Variants in CACNA1I observed in about 807,000 individuals in gnomAD.
CACNA1I encodes the protein calcium voltage-gated channel subunit alpha1 I, also known as voltage-dependent T-type calcium channel subunit alpha-1I.
In CACNA1I, 74 loss-of-function variants were observed where a neutral mutation model predicts 201.6. That is an observed-to-expected ratio of 0.37 (90% CI 0.30 to 0.45). The LOEUF is 0.45. CACNA1I is among the 20% of genes least tolerant of loss of function. CACNA1I has a pLI of 1.00. For synonymous variants in CACNA1I, 1,431 were observed against 1,345.2 expected (o/e 1.06, Z -1.40); for missense variants, 2,346 against 3,138.1 (o/e 0.75, Z 6.03).
intron 5 of CACNA1I, among the ~76,000 whole-genome samples, chr22:39,635,273 A>C (rs1301438703): frequency 2.0e-5 from 3 of 151,996 alleles, no homozygotes; most frequent in Non-Finnish European, 4.4e-5. Context: ...GAAATAGGAG[A>C]GCATCTTCAT....
chr22:39,592,971 A>G (rs1347599992), intron 1 of CACNA1I, among the ~76,000 whole-genome samples: 1 of 152,180 alleles, frequency 6.6e-6, no homozygotes, highest in Non-Finnish European at 1.5e-5. Flanking sequence ...CAGTGATGCC[A>G]GTTCTGGCCT....
rs1393717795 is a variant in CACNA1I, at chr22:39,659,881, C to T, written c.2604+29C>T. ...ACTGTGGTCTTGGCAGAGGAAGCAC[C>T]CCCACAGGGTCTGCGAAAGACTGGG... is the stretch of plus-strand genomic sequence containing the variant. On this transcript the variant is annotated intron_variant, in intron 14 of 36. Transcript: ENST00000402142. This position sits in a 1 kb window ranked among gnomAD's most constrained non-coding sequence, Gnocchi z 4.3. The T allele has an allele frequency of 6.2e-7, 1 of 1,612,960 alleles. No individual in the cohort carries two copies. Among genetic ancestry groups the T allele is most frequent in the African/African-American group, 1.3e-5 (1 of 74,896 alleles).
Position 39,665,903 on chromosome 22 carries a change from A to G in CACNA1I, c.4001A>G (p.His1334Arg). 6.2e-7 allele frequency: 1 copy of G among 1,613,792 alleles called. No homozygotes were observed. Among genetic ancestry groups the G allele is most frequent in the Non-Finnish European group, 8.5e-7 (1 of 1,179,844 alleles). ...GVQLFKGKFY[H>R]CLGVDTRNIT... ...CAGCTCTTCAAGGGCAAGTTCTACC[A>G]CTGTCTGGGCGTGGACACCCGCAAC... Residue 1334 changes from histidine to arginine, a missense_variant, in exon 23 of 37, where the codon CAC (histidine) becomes CGC (arginine). His to Arg is a conservative substitution (Grantham distance 29). This residue lies in a region of CACNA1I where 228 missense variants were observed against 395.7 expected (regional missense o/e 0.58). Coordinates refer to ENST00000402142, the MANE Select transcript of CACNA1I (RefSeq NM_021096.4). This position sits in a 1 kb window ranked among gnomAD's most constrained non-coding sequence, Gnocchi z 5.5.
At chr22:39,662,988 C>G (rs1935076318) in intron 18 of CACNA1I, 112 bp downstream of exon 18, 1 of 729,510 alleles carries the variant, frequency 1.4e-6, no homozygotes, top group Non-Finnish European at 2.3e-6. Flanking sequence ...CCACAGCGGA[C>G]CCTCCCGGCC....
rs1935936248 is a variant in CACNA1I, at chr22:39,687,986, AGG to A, written c.*1586_*1587del. ...TGCTAAGACCCCCTCCGAGGGCTTC[AGG>A]GGGGCCTGCCAAGGGGGGGCCTTGT... On this transcript the variant is annotated 3_prime_UTR_variant, in exon 37 of 37. Coordinates refer to ENST00000402142, the MANE Select transcript of CACNA1I (RefSeq NM_021096.4). 1 of 152,172 alleles carries A rather than the reference AGG, an allele frequency of 6.6e-6. No homozygotes were observed. Among genetic ancestry groups the A allele is most frequent in the African/African-American group, 2.4e-5 (1 of 41,410 alleles). The allele number at this position is 152,172 out of a possible 1,614,324, so 9.4% of individuals were successfully genotyped here.
At chr22:39,672,875 C>G in intron 27 of CACNA1I, 74 bp from the exon 28 acceptor site, 1 of 1,493,856 alleles carries the variant, frequency 6.7e-7, no homozygotes, top group South Asian at 1.3e-5. Flanking sequence ...GGGAGGCTCC[C>G]CCCACTAAGG....
intron 4 of CACNA1I, among the ~76,000 whole-genome samples, chr22:39,621,227 A>C (rs781600733): frequency 1.3e-5 from 2 of 152,192 alleles, no homozygotes; most frequent in Non-Finnish European, 2.9e-5. Flanking sequence ...TCCTCAGCCC[A>C]GTTTATTTCC....
At chr22:39,577,275 A>G (rs1465866676) in intron 1 of CACNA1I, among the ~76,000 whole-genome samples, 2 of 152,206 alleles carry the variant, frequency 1.3e-5, no homozygotes, top group Non-Finnish European at 2.9e-5. Flanking sequence ...ACTTCAGGTA[A>G]TCTGCGCAGC....
rs1469713171 is a variant in CACNA1I at position 39,670,161 on chromosome 22, C to A, written c.4318C>A (p.His1440Asn). ...VVENFHKCRQHQEAEEARRRE... is the reference protein window; with the variant it reads ...VVENFHKCRQNQEAEEARRRE... ...GGAGAACTTCCACAAGTGCCGGCAGCACCAGGAGGCTGAAGAGGCACGGCG... is the reference window on the plus strand; with the variant it reads ...GGAGAACTTCCACAAGTGCCGGCAGAACCAGGAGGCTGAAGAGGCACGGCG... The change falls in exon 25 of 37, where the codon CAC becomes AAC. Residue 1440 changes from histidine to asparagine, a missense_variant. By Grantham distance (68) the His-to-Asn change is moderately conservative. This residue lies in a region of CACNA1I where 228 missense variants were observed against 395.7 expected (regional missense o/e 0.58). Coordinates refer to ENST00000402142, the MANE Select transcript of CACNA1I (RefSeq NM_021096.4). 6.2e-7 allele frequency: 1 copy of A among 1,613,902 alleles called. No individual in the cohort carries two copies.
chr22:39,681,659 T>C lies in CACNA1I; in HGVS notation c.5664+607T>C, dbSNP rs562087021. On this transcript the variant is annotated intron_variant, in intron 34 of 36. Transcript: ENST00000402142. ...GAGGGGGCTCTTGCTGATCCTGCAG[T>C]CTTAGGGGGTGAGATCTCAAGACCT... Among the ~76,000 whole-genome samples the C allele has an allele frequency of 2.0e-5, 3 of 150,622 alleles. No individual in the cohort carries two copies. In the East Asian group the frequency reaches 5.9e-4, roughly 30 times the overall value.
In CACNA1I at chr22:39,609,567, G is replaced by C. The variant is rs562849001; in HGVS notation, c.482+8914G>C. Among the ~76,000 whole-genome samples the C allele has an allele frequency of 4.6e-5, 7 of 152,350 alleles. No homozygotes were observed. The East Asian group carries it at 1.3e-3, about 29-fold the overall frequency. On this transcript the variant is annotated intron_variant, in intron 3 of 36. Transcript: ENST00000402142. The stretch of plus-strand genomic sequence containing the variant: ...ATTAAAGACAGGAAAGAAGGGTGAA[G>C]AGTGACAGGGCATGTCCACTTGGAT...
intron 10 of CACNA1I, among the ~76,000 whole-genome samples, chr22:39,650,858 G>T (rs143635278): frequency 2.1e-3 from 315 of 152,304 alleles, no homozygotes; most frequent in African/African-American, 7.3e-3. Flanking sequence ...GGAGGGGACA[G>T]CTTCTGGGAG....
rs1354143077 is a variant in CACNA1I at position 39,682,516 on chromosome 22, G to C, written c.5685G>C (p.Glu1895Asp). The C allele has an allele frequency of 1.2e-6, 2 of 1,613,628 alleles. No homozygotes were observed. Among genetic ancestry groups the C allele is most frequent in the Non-Finnish European group, 1.7e-6 (2 of 1,179,846 alleles). ...TGCAGGGTGAGCTGGACCCACCTGA[G>C]CCCATGCGTGTGGGAGACCTGGGCG... The part of the protein sequence containing the change: ...KDSKGELDPP[E>D]PMRVGDLGEC... Residue 1895 changes from glutamate to aspartate, a missense_variant, in exon 35 of 37, where the codon GAG (glutamate) becomes GAC (aspartate). Around this residue, in one of 13 missense-constraint regions of CACNA1I, gnomAD observed 441 missense variants for 555.6 expected, o/e 0.79. Coordinates refer to ENST00000402142, the MANE Select transcript of CACNA1I (RefSeq NM_021096.4).
chr22:39,605,032 C>A (rs1933172663), intron 3 of CACNA1I, among the ~76,000 whole-genome samples: 1 of 152,008 alleles, frequency 6.6e-6, no homozygotes, highest in East Asian at 1.9e-4. Context: ...AGTCACAACC[C>A]TGGCTCCAGA....
Position 39,619,424 on chromosome 22 carries a change from C to T in CACNA1I, c.580+17C>T. ...GCGTGCCCAGTGAGTCAGCCCCGCC[C>T]TGTCCACACATTCCTGGCTGATCCA... On this transcript the variant is annotated intron_variant, in intron 4 of 36. Transcript: ENST00000402142. 6.3e-7 allele frequency: 1 copy of T among 1,584,384 alleles called. No homozygotes were observed. Among genetic ancestry groups the T allele is most frequent in the South Asian group, 1.1e-5 (1 of 90,692 alleles).
Position 39,684,159 on chromosome 22 carries a change from G to T in CACNA1I, c.5831-143G>T. 1.5e-6 allele frequency: 1 copy of T among 657,436 alleles called. No individual in the cohort carries two copies. The allele number at this position is 657,436 out of a possible 1,614,324, so 40.7% of individuals were successfully genotyped here. A position where few individuals can be genotyped will look rare whatever the true frequency, so the allele number is the denominator to read the frequency against. ...GGGGAAACGAAGGCTTAGAGAGGGG[G>T]GACTTGTCCACAGTCTCACAGTCAG... On this transcript the variant is annotated intron_variant, in intron 35 of 36. Coordinates refer to ENST00000402142, the MANE Select transcript of CACNA1I (RefSeq NM_021096.4). This position sits in a 1 kb window ranked among gnomAD's most constrained non-coding sequence, Gnocchi z 4.6.
At chr22:39,662,495 G>A in intron 17 of CACNA1I, 60 bp downstream of exon 17, 2 of 1,243,044 alleles carry the variant, frequency 1.6e-6, no homozygotes, top group Admixed American at 6.4e-5. Context: ...AAGTGGGTGC[G>A]GCCCCAGGAG....
chr22:39,664,701 C>T (rs1935129954), intron 20 of CACNA1I, 38 bp from the exon 21 acceptor site: 2 of 994,598 alleles, frequency 2.0e-6, no homozygotes, highest in East Asian at 5.5e-5. Context: ...GCCCGCCCCT[C>T]CCGCGGCAGC....
chr22:39,651,569 A>G (rs1269423245), intron 10 of CACNA1I, among the ~76,000 whole-genome samples: 1 of 152,086 alleles, frequency 6.6e-6, no homozygotes, highest in African/African-American at 2.4e-5. Flanking sequence ...CCTGCAGGGG[A>G]GCAGCATTCC....
Sources: gnomAD v4.1 joint callset for allele counts (sites outside exome capture counted in the v4.1 genomes callset) on GRCh38, gnomAD v4.1.1 for gene constraint, gnomAD v4.1.1 regional missense constraint, Gnocchi (gnomAD v3.1) non-coding constraint, MANE v1.5 for transcripts, NCBI Gene and HGNC (gene_info 2026-07-23, HGNC 2026-07-21) for gene names.